SEMA6D: variants seen among roughly 807,000 people sequenced by gnomAD.
The protein encoded by SEMA6D is semaphorin-6D.
SEMA6D carries 35 observed loss-of-function variants against 106.6 expected under a neutral mutation model. The ratio of observed to expected loss-of-function variants is 0.33; its 90% CI spans 0.25 to 0.44. SEMA6D has a LOEUF of 0.44. Among genes scored for constraint, SEMA6D ranks in the 20% least tolerant of loss-of-function variants. The pLI is 1.00. For missense variants in SEMA6D, 1,185 were observed against 1,345.9 expected (o/e 0.88, Z 1.87); for synonymous variants, 499 against 487.7 (o/e 1.02, Z -0.31).
intron 1 of SEMA6D, among the ~76,000 whole-genome samples, chr15:47,407,574 C>G (rs1219293416): frequency 6.6e-6 from 1 of 152,040 alleles, no homozygotes; most frequent in Non-Finnish European, 1.5e-5. Flanking sequence ...TACTGAGGAG[C>G]AGAGAAGTTG....
chr15:47,483,376 T>G (rs564179407), intron 3 of SEMA6D, among the ~76,000 whole-genome samples: 1 of 152,162 alleles, frequency 6.6e-6, no homozygotes, highest in African/African-American at 2.4e-5. Context: ...AAAGGAAAAT[T>G]TAGGTAGTGG....
intron 4 of SEMA6D, among the ~76,000 whole-genome samples, chr15:47,635,818 C>T (rs1328144277): frequency 6.6e-6 from 1 of 152,092 alleles, no homozygotes; most frequent in African/African-American, 2.4e-5. Flanking sequence ...GGCAGGCAGT[C>T]ATGTCACCAG....
chr15:47,324,234 C>T (rs576184219), intron 1 of SEMA6D, among the ~76,000 whole-genome samples: 2 of 152,194 alleles, frequency 1.3e-5, no homozygotes, highest in Admixed American at 6.5e-5. Context: ...CCAGATATAA[C>T]CATATTAATA....
intron 3 of SEMA6D, among the ~76,000 whole-genome samples, chr15:47,489,171 A>T (rs1231574850): frequency 6.6e-6 from 1 of 152,156 alleles, no homozygotes; most frequent in Non-Finnish European, 1.5e-5. Context: ...AGACACAGGC[A>T]GAGACTGGAG....
In SEMA6D at chr15:47,749,122, C is replaced by T. The variant is rs1191182014; in HGVS notation, c.-54-10623C>T. Reference sequence around the variant, plus strand: ...TGGAGATACAGTTTCATTCTTGTCACCCAGGCTGGAGTGCAGTGGTGTGAT... The same window carrying T: ...TGGAGATACAGTTTCATTCTTGTCATCCAGGCTGGAGTGCAGTGGTGTGAT... On this transcript the variant is annotated intron_variant, in intron 1 of 18. Coordinates refer to ENST00000536845, the MANE Select transcript of SEMA6D (RefSeq NM_001358351.3). Among the ~76,000 whole-genome samples the T allele has an allele frequency of 2.7e-5, 4 of 149,104 alleles. No homozygotes were observed. The East Asian group carries it at 7.8e-4, about 29-fold the overall frequency.
chr15:47,482,136 A>G (rs1430587320), intron 3 of SEMA6D, among the ~76,000 whole-genome samples: 1 of 152,288 alleles, frequency 6.6e-6, no homozygotes, highest in African/African-American at 2.4e-5. Flanking sequence ...TCAGTAATTG[A>G]TCTCTCTAGA....
At chr15:47,701,360 G>C (rs942360453) in intron 4 of SEMA6D, among the ~76,000 whole-genome samples, 18 of 152,310 alleles carry the variant, frequency 1.2e-4, no homozygotes, top group African/African-American at 4.3e-4. Flanking sequence ...ACCAGGAGCT[G>C]AGGGGAGGGG....
chr15:47,347,262 A>G (rs1264118517), intron 1 of SEMA6D, among the ~76,000 whole-genome samples: 4 of 152,218 alleles, frequency 2.6e-5, no homozygotes, highest in African/African-American at 9.6e-5. Context: ...TATCAGGGAC[A>G]GCTTTAGAGT....
chr15:47,453,777 C>G (rs1224941619), intron 2 of SEMA6D, among the ~76,000 whole-genome samples: 1 of 151,930 alleles, frequency 6.6e-6, no homozygotes, highest in African/African-American at 2.4e-5. Context: ...TGGATACCAT[C>G]TTTGGCCAGA....
At chr15:47,336,521 C>T (rs2037563492) in intron 1 of SEMA6D, among the ~76,000 whole-genome samples, 1 of 152,184 alleles carries the variant, frequency 6.6e-6, no homozygotes, top group African/African-American at 2.4e-5. Context: ...GGTGCATTTA[C>T]TACCTTGTTA....
At chr15:47,653,919 A>T (rs2077742140) in intron 4 of SEMA6D, among the ~76,000 whole-genome samples, 1 of 152,198 alleles carries the variant, frequency 6.6e-6, no homozygotes, top group Admixed American at 6.6e-5. Flanking sequence ...TTCAGCACAA[A>T]TCTAATGAGA....
chr15:47,284,837 G>A (rs778360783), intron 1 of SEMA6D, among the ~76,000 whole-genome samples: 31 of 152,116 alleles, frequency 2.0e-4, no homozygotes, highest in African/African-American at 4.6e-4. Flanking sequence ...GAGCAGACCC[G>A]AAATCTTGAA....
At chr15:47,296,632 A>C (rs1187026528) in intron 1 of SEMA6D, among the ~76,000 whole-genome samples, 1 of 152,248 alleles carries the variant, frequency 6.6e-6, no homozygotes, top group African/African-American at 2.4e-5. Context: ...CACTGTTTTA[A>C]CTGGGGATTC....
chr15:47,562,899 A>G (rs940659997), intron 3 of SEMA6D, among the ~76,000 whole-genome samples: 5 of 152,190 alleles, frequency 3.3e-5, no homozygotes, highest in Admixed American at 2.6e-4. Flanking sequence ...CCATAGTTAT[A>G]TTCACAATAG....
At chr15:47,740,984 C>G (rs2080775816) in intron 1 of SEMA6D, among the ~76,000 whole-genome samples, 1 of 152,154 alleles carries the variant, frequency 6.6e-6, no homozygotes, top group Non-Finnish European at 1.5e-5. Context: ...GAAACTTTTA[C>G]TTATTTATTT....
chr15:47,188,859 A>T (rs1214084278), intron 1 of SEMA6D, among the ~76,000 whole-genome samples: 2 of 152,214 alleles, frequency 1.3e-5, no homozygotes, highest in Non-Finnish European at 2.9e-5. Flanking sequence ...TGATCTAAAG[A>T]TACTTGTATT....
intron 1 of SEMA6D, among the ~76,000 whole-genome samples, chr15:47,306,381 T>C (rs2036234526): frequency 1.3e-5 from 2 of 152,210 alleles, no homozygotes; most frequent in African/African-American, 4.8e-5. Flanking sequence ...AGAATTAATA[T>C]GTATTCATTG....
intron 1 of SEMA6D, among the ~76,000 whole-genome samples, chr15:47,277,370 A>G (rs2034868392): frequency 6.6e-6 from 1 of 151,944 alleles, no homozygotes; most frequent in East Asian, 1.9e-4. Context: ...GTGAGAGTCA[A>G]TCCATGCAGC....
Position 47,605,587 on chromosome 15 carries a change from A to AC in SEMA6D, c.-55+4692dup, listed in dbSNP as rs558419187. Among the ~76,000 whole-genome samples the AC allele has an allele frequency of 7.9e-5, 12 of 152,220 alleles. No individual in the cohort carries two copies. In the South Asian group the frequency reaches 2.5e-3, roughly 32 times the overall value. ...GGTGTCTTAGGCTACCTTTCAGAGA[A>AC]CAGCACCTCCCCAACTCGGACATTT... On this transcript the variant is annotated intron_variant, in intron 4 of 19. Transcript: ENST00000558014.
Sources: allele counts gnomAD v4.1 joint callset (sites outside exome capture counted in the v4.1 genomes callset), GRCh38; gene constraint gnomAD v4.1.1; transcripts MANE v1.5; gene names NCBI Gene and HGNC (gene_info 2026-07-23, HGNC 2026-07-21).